The following ERBB4 variants were observed in gnomAD, a reference collection of about 807,000 sequenced individuals.
The protein encoded by ERBB4 is erb-b2 receptor tyrosine kinase 4.
Under a neutral mutation model 158.0 loss-of-function variants are expected in ERBB4, and 42 were observed. The ratio of observed to expected loss-of-function variants is 0.27; its 90% confidence interval spans 0.21 to 0.34. The LOEUF (loss-of-function observed/expected upper bound fraction) is 0.34. Among genes scored for constraint, ERBB4 ranks in the 10% least tolerant of loss-of-function variants. The probability of loss-of-function intolerance (pLI) is 1.00; values close to 1 mark genes in which losing one functional copy is unlikely to be tolerated. For synonymous variants in ERBB4, 583 were observed against 558.7 expected, an observed-to-expected ratio of 1.04 and a Z score of -0.61; for missense variants, 1,333 against 1,624.1, an observed-to-expected ratio of 0.82 and a Z score of 3.08.
intron 22 of ERBB4, 99 bp downstream of exon 22, chr2:211,428,309 T>C (rs2063676232): frequency 4.1e-6 from 3 of 730,142 alleles, no homozygotes; most frequent in East Asian, 5.2e-5. Context: ...AATAGGTATT[T>C]ATAACACAAC....
chr2:211,919,592 G>A (rs2079802259), intron 3 of ERBB4, among the ~76,000 whole-genome samples: 1 of 151,848 alleles, frequency 6.6e-6, no homozygotes, highest in Non-Finnish European at 1.5e-5. Context: ...TATCCTTTGG[G>A]GCTCATGAAA....
At position 211,422,041 on chromosome 2, in the gene ERBB4, A is replaced by G. The variant is rs1440382310; in HGVS notation, c.2930T>C (p.Met977Thr). The G allele has an allele frequency of 1.2e-6, 2 of 1,612,360 alleles. No individual in the cohort carries two copies. The highest frequency in any genetic ancestry group is 1.7e-4 in the Middle Eastern group (1 of 6,056). ...TAGGTATCTTTGAGGGTCTCGAGCC[A>G]TCCTTGAAAACTCAGCAGCCAGTTC... ...FKELAAEFSR[M>T]ARDPQRYLVI... The change falls in exon 24 of 28, where the codon ATG (methionine) becomes ACG (threonine). Residue 977 changes from methionine to threonine, a missense_variant. Around this residue, in one of 5 missense-constraint regions of ERBB4, gnomAD observed 314 missense variants for 437.6 expected, o/e 0.72. Coordinates refer to ENST00000342788, the MANE Select transcript of ERBB4 (RefSeq NM_005235.3).
chr2:212,179,133 G>C (rs566598302), intron 1 of ERBB4, among the ~76,000 whole-genome samples: 1 of 151,640 alleles, frequency 6.6e-6, no homozygotes, highest in South Asian at 2.1e-4. Context: ...AGTATGTAAA[G>C]CTCCTATGTC....
rs1322848882 is a variant in ERBB4, at chr2:212,003,091, G to A, written c.235-55475C>T. Among the ~76,000 whole-genome samples, 125 of 119,072 alleles carry A rather than the reference G, an allele frequency of 1.0e-3. 2 individuals carry two copies. Among genetic ancestry groups the A allele is most frequent in the African/African-American group, 3.3e-3 (114 of 34,826 alleles). 78.1% of individuals were successfully genotyped at this position (119,072 alleles called of 152,430 possible). On this transcript the variant is annotated intron_variant, in intron 2 of 27. Transcript: ENST00000342788. ...AGAGAGAGAGAGAGAGAGAAAGAGA[G>A]ACAGAGACAGAAAGAAAGAAAGAAG...
At chr2:211,607,888 T>TTTTTTTTTTTC in intron 19 of ERBB4, among the ~76,000 whole-genome samples, 1 of 118,864 alleles carries the variant, frequency 8.4e-6, no homozygotes, top group Non-Finnish European at 1.8e-5. Context: ...TTTTTTTTTT[T>TTTTTTTTTTTC]AGACAGGGTC....
At chr2:212,261,657 T>C (rs939880974) in intron 1 of ERBB4, among the ~76,000 whole-genome samples, 1 of 152,124 alleles carries the variant, frequency 6.6e-6, no homozygotes, top group African/African-American at 2.4e-5. Context: ...GATAAAAAGC[T>C]ACTTAGTGCT....
At chr2:212,330,798 T>G (rs1309339331) in intron 1 of ERBB4, among the ~76,000 whole-genome samples, 1 of 151,582 alleles carries the variant, frequency 6.6e-6, no homozygotes, top group Non-Finnish European at 1.5e-5. Flanking sequence ...GTTTTAGACA[T>G]GGTTCCTAAT....
At chr2:212,176,363 A>G (rs181978787) in intron 1 of ERBB4, among the ~76,000 whole-genome samples, 3 of 152,004 alleles carry the variant, frequency 2.0e-5, no homozygotes, top group Admixed American at 2.0e-4. Flanking sequence ...GAGGCTCTCA[A>G]GATAGGATTA....
At chr2:211,978,792 A>G (rs953626297) in intron 2 of ERBB4, among the ~76,000 whole-genome samples, 3 of 152,164 alleles carry the variant, frequency 2.0e-5, no homozygotes, top group Non-Finnish European at 4.4e-5. Context: ...GTGAACATCA[A>G]GGTGTTCTCT....
At chr2:211,701,607 A>T (rs1056415558) in intron 12 of ERBB4, among the ~76,000 whole-genome samples, 1 of 152,040 alleles carries the variant, frequency 6.6e-6, no homozygotes, top group East Asian at 2.0e-4. Flanking sequence ...ATACCAAAAA[A>T]ATTAGCCGGG....
chr2:211,605,520 T>C (rs549870377), intron 19 of ERBB4, among the ~76,000 whole-genome samples: 1 of 152,220 alleles, frequency 6.6e-6, no homozygotes, highest in South Asian at 2.1e-4. Context: ...TGGAATTTAT[T>C]TACCCCTAAG....
chr2:211,934,440 C>T (rs2080258307), intron 3 of ERBB4, among the ~76,000 whole-genome samples: 1 of 151,720 alleles, frequency 6.6e-6, no homozygotes, highest in Non-Finnish European at 1.5e-5. Flanking sequence ...ATAAAATCAC[C>T]CTTCTAATAT....
At chr2:212,045,955 C>A (rs2077251261) in intron 2 of ERBB4, among the ~76,000 whole-genome samples, 1 of 152,182 alleles carries the variant, frequency 6.6e-6, no homozygotes, top group African/African-American at 2.4e-5. Flanking sequence ...CTTTGTATCA[C>A]CAATATATTC....
chr2:211,380,872 T>C lies in ERBB4; in HGVS notation c.*2743A>G, dbSNP rs889757682. 4.3e-6 allele frequency: 1 copy of C among 232,118 alleles called. No individual in the cohort carries two copies. Among genetic ancestry groups the C allele is most frequent in the Admixed American group, 5.6e-5 (1 of 17,756 alleles). 14.4% of individuals were successfully genotyped at this position (232,118 alleles called of 1,614,324 possible). A position where few individuals can be genotyped will look rare whatever the true frequency, so the allele number is the denominator to read the frequency against. Reference sequence around the variant, plus strand: ...ACAGTTAAAAGTTTGTTTTAACTATTCATTTTTTCCTTCTCCAAAATGAGT... The same window carrying C: ...ACAGTTAAAAGTTTGTTTTAACTATCCATTTTTTCCTTCTCCAAAATGAGT... On this transcript the variant is annotated 3_prime_UTR_variant, in exon 28 of 28. Coordinates refer to ENST00000342788, the MANE Select transcript of ERBB4 (RefSeq NM_005235.3).
chr2:212,094,971 A>G (rs2078885409), intron 2 of ERBB4, among the ~76,000 whole-genome samples: 1 of 150,180 alleles, frequency 6.7e-6, no homozygotes, highest in South Asian at 2.1e-4. Context: ...AAGTGATATG[A>G]AATTCCTCAG....
In ERBB4 at chr2:211,382,729, A is replaced by C. The variant is rs185631609; in HGVS notation, c.*886T>G. ...AAGTAGTGTCATTTATGGAGAAAAA[A>C]AAATGTTGAAAAATGTAAAGGATGA... On this transcript the variant is annotated 3_prime_UTR_variant, in exon 28 of 28. Coordinates refer to ENST00000342788, the MANE Select transcript of ERBB4 (RefSeq NM_005235.3). The C allele has an allele frequency of 3.6e-3, 841 of 232,704 alleles. 3 individuals are homozygous for C. The highest frequency in any genetic ancestry group is 6.0e-3 in the Non-Finnish European group (702 of 117,724). 14.4% of individuals were successfully genotyped at this position (232,704 alleles called of 1,614,324 possible). A position where few individuals can be genotyped will look rare whatever the true frequency, so the allele number is the denominator to read the frequency against.
At chr2:211,639,650 A>G (rs1317655863) in intron 16 of ERBB4, among the ~76,000 whole-genome samples, 1 of 152,218 alleles carries the variant, frequency 6.6e-6, no homozygotes, top group African/African-American at 2.4e-5. Context: ...AGCATTAAGC[A>G]TACACATTTC....
Position 211,381,587 on chromosome 2 carries a change from T to C in ERBB4, c.*2028A>G, listed in dbSNP as rs1303981769. 1 of 230,966 alleles carries C rather than the reference T, an allele frequency of 4.3e-6. No homozygotes were observed. The highest frequency in any genetic ancestry group is 8.6e-6 in the Non-Finnish European group (1 of 116,776). 14.3% of individuals were successfully genotyped at this position (230,966 alleles called of 1,614,324 possible). On this transcript the variant is annotated 3_prime_UTR_variant, in exon 28 of 28. Transcript: ENST00000342788. ...TCTCCTAGATCATAGAATTTTGAAGTTGAGGATGATATTCCATTTATCTGA... is the reference window on the plus strand; with the variant it reads ...TCTCCTAGATCATAGAATTTTGAAGCTGAGGATGATATTCCATTTATCTGA...
intron 16 of ERBB4, among the ~76,000 whole-genome samples, chr2:211,655,516 G>A (rs1330809257): frequency 6.6e-6 from 1 of 152,152 alleles, no homozygotes; most frequent in Non-Finnish European, 1.5e-5. Context: ...TCTAAAAATG[G>A]TAGAGCCTGG....
Sources: gnomAD v4.1 joint callset for allele counts (sites outside exome capture counted in the v4.1 genomes callset) on GRCh38, gnomAD v4.1.1 for gene constraint, gnomAD v4.1.1 regional missense constraint, MANE v1.5 for transcripts, NCBI Gene and HGNC (gene_info 2026-07-23, HGNC 2026-07-21) for gene names.